FGF20: variants seen among roughly 807,000 people sequenced by gnomAD.
The protein encoded by FGF20 is fibroblast growth factor 20.
A neutral mutation model predicts 16.7 loss-of-function variants in FGF20; 8 were observed. The observed-to-expected ratio is 0.48, with a 90% CI of 0.28 to 0.87. FGF20 has a LOEUF of 0.87. Ranked by LOEUF, FGF20 falls within the 40% of genes least tolerant of loss-of-function variation. The probability of loss-of-function intolerance (pLI) is 0.10; values close to 1 mark genes in which losing one functional copy is unlikely to be tolerated. For missense variants in FGF20, 397 were observed against 281.4 expected, an observed-to-expected ratio of 1.41 and a Z score of -2.94; for synonymous variants, 161 against 118.6, an observed-to-expected ratio of 1.36 and a Z score of -2.32.
chr8:16,994,792 A>G (rs1168755396), intron 2 of FGF20, among the ~76,000 whole-genome samples: 1 of 152,230 alleles, frequency 6.6e-6, no homozygotes, highest in African/African-American at 2.4e-5. Flanking sequence ...AAAAGAGTTC[A>G]CATAAGAAGA....
At chr8:16,997,772 C>T (rs528022947) in intron 1 of FGF20, among the ~76,000 whole-genome samples, 1 of 152,254 alleles carries the variant, frequency 6.6e-6, no homozygotes, top group Non-Finnish European at 1.5e-5. Flanking sequence ...ATCAAACTCA[C>T]TGCCAAGTTC....
chr8:16,995,534 T>A (rs979573952), intron 2 of FGF20, 121 bp downstream of exon 2: 38 of 453,136 alleles, frequency 8.4e-5, no homozygotes, highest in African/African-American at 7.6e-4. Flanking sequence ...AGATTTCAAT[T>A]TCTACGTAAG....
At chr8:16,993,367 A>G (rs1294728485) in intron 2 of FGF20, 50 bp from the exon 3 acceptor site, 2 of 1,505,578 alleles carry the variant, frequency 1.3e-6, no homozygotes, top group Admixed American at 2.1e-5. Context: ...CCTTTGAGAT[A>G]ATTTCCTTAC....
intron 1 of FGF20, among the ~76,000 whole-genome samples, chr8:16,996,431 A>T (rs17515128): frequency 6.6e-6 from 1 of 152,058 alleles, no homozygotes; most frequent in South Asian, 2.1e-4. Context: ...TAACCTCCTC[A>T]TATGCAAAAT....
At position 16,993,327 on chromosome 8, in the gene FGF20, A is replaced by G. The variant is rs1554494405; in HGVS notation, c.391-10T>C. ...CGGAAGTAAGTTTCTCCTGAAAGAG[A>G]GAAGATAACTATTATTTTTTAAAAA... On this transcript the variant is annotated splice_polypyrimidine_tract_variant and intron_variant, in intron 2 of 2. Coordinates refer to ENST00000180166, the MANE Select transcript of FGF20 (RefSeq NM_019851.3). The G allele has an allele frequency of 1.3e-6, 2 of 1,587,184 alleles. No individual in the cohort carries two copies. Among genetic ancestry groups the G allele is most frequent in the Non-Finnish European group, 1.7e-6 (2 of 1,168,672 alleles).
At chr8:16,998,370 A>G (rs907548168) in intron 1 of FGF20, among the ~76,000 whole-genome samples, 1 of 152,302 alleles carries the variant, frequency 6.6e-6, no homozygotes, top group South Asian at 2.1e-4. Context: ...TTTTAGTCAC[A>G]CTTTTAAATT....
At chr8:16,993,373 C>G in intron 2 of FGF20, 56 bp from the exon 3 acceptor site, 1 of 1,483,214 alleles carries the variant, frequency 6.7e-7, no homozygotes. Context: ...AGATAATTTC[C>G]TTACAAGTTT....
At chr8:16,996,038 A>T (rs191163766) in intron 1 of FGF20, among the ~76,000 whole-genome samples, 46 of 152,256 alleles carry the variant, frequency 3.0e-4, no homozygotes, top group Admixed American at 5.9e-4. Context: ...GGACAACAGG[A>T]TGGAGCCTTG....
rs372623598 is a variant in FGF20, at chr8:16,993,067, G to A, written c.*5C>T. The A allele has an allele frequency of 1.9e-5, 30 of 1,612,512 alleles. No individual in the cohort carries two copies. Among genetic ancestry groups the A allele is most frequent in the Admixed American group, 1.0e-4 (6 of 59,830 alleles). On this transcript the variant is annotated 3_prime_UTR_variant, in exon 3 of 3. Transcript: ENST00000180166. ...TTGACTCTTCCATAATGTCACTATCGCACTTCAAGTGTACATCAGTAGGTC... is the reference window on the plus strand; with the variant it reads ...TTGACTCTTCCATAATGTCACTATCACACTTCAAGTGTACATCAGTAGGTC...
chr8:16,996,316 T>G (rs901276540), intron 1 of FGF20, among the ~76,000 whole-genome samples: 2 of 152,184 alleles, frequency 1.3e-5, no homozygotes, highest in African/African-American at 4.8e-5. Flanking sequence ...AATGGTATAA[T>G]GTGAAAGGTG....
At chr8:16,993,724 C>G (rs1011959669) in intron 2 of FGF20, among the ~76,000 whole-genome samples, 2 of 152,114 alleles carry the variant, frequency 1.3e-5, no homozygotes, top group African/African-American at 4.8e-5. Flanking sequence ...GAGCCCTGAG[C>G]TTGTTTTCTT....
chr8:16,992,181 C>T lies in FGF20; in HGVS notation c.*891G>A, dbSNP rs1273189020. 2 of 152,146 alleles carry T rather than the reference C, an allele frequency of 1.3e-5. No homozygotes were observed. Among genetic ancestry groups the T allele is most frequent in the African/African-American group, 4.8e-5 (2 of 41,450 alleles). 9.4% of individuals were successfully genotyped at this position (152,146 alleles called of 1,614,324 possible). A position where few individuals can be genotyped will look rare whatever the true frequency, so the allele number is the denominator to read the frequency against. ...GAAAAGCAATGAAGCCAAAACACTG[C>T]ATGAAAATGTTTAATTCCCTTTTGA... On this transcript the variant is annotated 3_prime_UTR_variant, in exon 3 of 3. Coordinates refer to ENST00000180166, the MANE Select transcript of FGF20 (RefSeq NM_019851.3).
In FGF20 at chr8:16,992,906, A is replaced by C. The variant is rs1809947656; in HGVS notation, c.*166T>G. 9.4e-6 allele frequency: 7 copies of C among 746,748 alleles called. No individual in the cohort carries two copies. In the South Asian group the frequency reaches 1.3e-4, roughly 14 times the overall value. The allele number at this position is 746,748 out of a possible 1,614,324, so 46.3% of individuals were successfully genotyped here. On this transcript the variant is annotated 3_prime_UTR_variant, in exon 3 of 3. Coordinates refer to ENST00000180166, the MANE Select transcript of FGF20 (RefSeq NM_019851.3). ...AGTGATCATGATCTATTTCTAGTCA[A>C]AATTTTTTTTGGTTTTTTTTCTCAA...
intron 1 of FGF20, among the ~76,000 whole-genome samples, chr8:16,999,157 G>A (rs571831669): frequency 2.0e-5 from 3 of 152,150 alleles, no homozygotes; most frequent in Non-Finnish European, 4.4e-5. Flanking sequence ...ATCACAAGGC[G>A]GCCATTCACT....
At position 17,001,844 on chromosome 8, in the gene FGF20, G is replaced by A; in HGVS notation, c.189C>T (p.Ile63=). The change falls in exon 1 of 3, where the codon ATC becomes ATT. Residue 63 remains isoleucine, a synonymous_variant. Coordinates refer to ENST00000180166, the MANE Select transcript of FGF20 (RefSeq NM_019851.3). ...GGCAATAGAGCTGCCGGCGGCGCAG[G>A]ATGCCGTGCAGGTGCGCCAGCTGCG... is the stretch of plus-strand genomic sequence containing the variant. ...GAAQLAHLHG[I]LRRRQLYCRT... is the part of the protein sequence containing the mutation. 1.3e-6 allele frequency: 2 copies of A among 1,515,100 alleles called. No homozygotes were observed. Among genetic ancestry groups the A allele is most frequent in the Non-Finnish European group, 1.8e-6 (2 of 1,134,840 alleles). The allele number at this position is 1,515,100 out of a possible 1,614,324, so 93.9% of individuals were successfully genotyped here.
In FGF20 at chr8:16,992,948, A is replaced by G; in HGVS notation, c.*124T>C. ...TTTTCTCAATATTCTTTCCAAATCC[A>G]GTCTCTCAGTAGAAAATAGACTTTA... On this transcript the variant is annotated 3_prime_UTR_variant, in exon 3 of 3. Transcript: ENST00000180166. The G allele has an allele frequency of 8.1e-7, 1 of 1,237,458 alleles. No homozygotes were observed. The highest frequency in any genetic ancestry group is 1.5e-5 in the South Asian group (1 of 66,456). The allele number at this position is 1,237,458 out of a possible 1,614,324, so 76.7% of individuals were successfully genotyped here.
At chr8:16,999,147 A>T (rs558494556) in intron 1 of FGF20, among the ~76,000 whole-genome samples, 1 of 152,202 alleles carries the variant, frequency 6.6e-6, no homozygotes, top group Non-Finnish European at 1.5e-5. Context: ...ACTACAATAC[A>T]TCACAAGGCG....
intron 1 of FGF20, 103 bp from the exon 2 acceptor site, chr8:16,995,861 G>A (rs180946137): frequency 2.9e-4 from 176 of 601,748 alleles, no homozygotes; most frequent in African/African-American, 2.8e-3. Flanking sequence ...GGCCATTATT[G>A]CCAAATATAA....
chr8:16,994,722 C>T (rs1414136745), intron 2 of FGF20, among the ~76,000 whole-genome samples: 1 of 152,158 alleles, frequency 6.6e-6, no homozygotes, highest in Non-Finnish European at 1.5e-5. Flanking sequence ...AGAGTGCCAT[C>T]TGCTTAATCA....
Sources: gnomAD v4.1 joint callset for allele counts (sites outside exome capture counted in the v4.1 genomes callset) on GRCh38, gnomAD v4.1.1 for gene constraint, MANE v1.5 for transcripts, NCBI Gene and HGNC (gene_info 2026-07-23, HGNC 2026-07-21) for gene names.